NEXMIF: variants seen among roughly 807,000 people sequenced by gnomAD.
NEXMIF encodes the protein neurite extension and migration factor, also known as XLMR protein related to neurite extension.
Under a neutral mutation model 62.1 loss-of-function variants are expected in NEXMIF, and 8 were observed. That is an observed-to-expected ratio of 0.13 (90% CI 0.08 to 0.23). The LOEUF (loss-of-function observed/expected upper bound fraction) is 0.23, where lower values mean the gene tolerates loss of function less well. Among genes scored for constraint, NEXMIF ranks in the 10% least tolerant of loss-of-function variants. NEXMIF has a pLI of 1.00. For synonymous variants in NEXMIF, 404 were observed against 416.6 expected, an observed-to-expected ratio of 0.97 and a Z score of 0.37; for missense variants, 976 against 1,113.3, an observed-to-expected ratio of 0.88 and a Z score of 1.75.
chrX:74,887,329 A>G (rs1325337065), intron 1 of NEXMIF, among the ~76,000 whole-genome samples: 1 of 111,298 alleles, frequency 9.0e-6, no homozygotes, highest in African/African-American at 3.3e-5. Flanking sequence ...GAGCTTCTGC[A>G]CAGCAAAAGA....
At chrX:74,826,807 T>G (rs919155133) in intron 1 of NEXMIF, among the ~76,000 whole-genome samples, 8 of 111,777 alleles carry the variant, frequency 7.2e-5, no homozygotes, top group African/African-American at 2.3e-4. Flanking sequence ...TGTTTTAAAC[T>G]AAAGGATATT....
intron 1 of NEXMIF, among the ~76,000 whole-genome samples, chrX:74,827,220 T>G (rs370071727): frequency 3.6e-5 from 4 of 112,454 alleles, no homozygotes; most frequent in African/African-American, 1.3e-4. Flanking sequence ...CTAGTTCTTG[T>G]GAAGGGTCAG....
At chrX:74,844,801 C>A (rs1239852317) in intron 1 of NEXMIF, among the ~76,000 whole-genome samples, 1 of 112,537 alleles carries the variant, frequency 8.9e-6, no homozygotes, top group Admixed American at 9.4e-5. Context: ...ATTCAACAAG[C>A]ATTTTCAGAG....
intron 1 of NEXMIF, among the ~76,000 whole-genome samples, chrX:74,842,089 T>C (rs1291182397): frequency 8.9e-6 from 1 of 111,752 alleles, no homozygotes; most frequent in Non-Finnish European, 1.9e-5. Flanking sequence ...TTGAATTCTA[T>C]TGTGAATCTA....
At chrX:74,888,515 G>T (rs1306417919) in intron 1 of NEXMIF, among the ~76,000 whole-genome samples, 1 of 109,474 alleles carries the variant, frequency 9.1e-6, no homozygotes, top group East Asian at 2.9e-4. Flanking sequence ...ACACAGGGAG[G>T]GGAACATCAC....
rs1315310568 is a variant in NEXMIF, at chrX:74,740,483, C to T, written c.4074G>A (p.Glu1358=). 3 of 1,211,460 alleles carry T rather than the reference C, an allele frequency of 2.5e-6. No homozygotes were observed. Among genetic ancestry groups the T allele is most frequent in the African/African-American group, 3.5e-5 (2 of 57,726 alleles). The change falls in exon 3 of 4, where the codon GAG becomes GAA. Residue 1358 remains glutamate, a synonymous_variant. Coordinates refer to ENST00000055682, the MANE Select transcript of NEXMIF (RefSeq NM_001008537.3). ...HGDPNIFYSP[E]SNSLKLKTLK... is the part of the protein sequence containing the mutation. The stretch of plus-strand genomic sequence containing the variant: ...GGGTTTTTAATTTTAGACTATTGGA[C>T]TCAGGGGAGTAGAATATGTTGGGAT...
chrX:74,796,800 T>C (rs1325006972), intron 1 of NEXMIF, among the ~76,000 whole-genome samples: 2 of 111,594 alleles, frequency 1.8e-5, no homozygotes, highest in Admixed American at 1.9e-4. Context: ...AAAAGACATA[T>C]CGTCCTAACA....
chrX:74,763,368 A>G (rs1460310021), intron 1 of NEXMIF, among the ~76,000 whole-genome samples: 1 of 111,783 alleles, frequency 8.9e-6, no homozygotes, highest in African/African-American at 3.3e-5. Context: ...TGGTTACTAT[A>G]GCCTTGTAGT....
At chrX:74,899,046 C>A (rs1311331924) in intron 1 of NEXMIF, among the ~76,000 whole-genome samples, 1 of 111,104 alleles carries the variant, frequency 9.0e-6, no homozygotes, top group Non-Finnish European at 1.9e-5. Flanking sequence ...ATGTAAATAC[C>A]ACCAGAGAGA....
chrX:74,859,753 C>A (rs888724956), intron 1 of NEXMIF, among the ~76,000 whole-genome samples: 1 of 110,923 alleles, frequency 9.0e-6, no homozygotes, highest in Non-Finnish European at 1.9e-5. Flanking sequence ...AGTTAAAAAG[C>A]GGGAGGATGA....
chrX:74,913,638 A>AG (rs1292415572), intron 1 of NEXMIF, among the ~76,000 whole-genome samples: 2 of 111,268 alleles, frequency 1.8e-5, no homozygotes, highest in Non-Finnish European at 3.8e-5. Flanking sequence ...GAAAAAAAAA[A>AG]AAACCTTAAA....
At chrX:74,875,295 T>C (rs1411902825) in intron 1 of NEXMIF, among the ~76,000 whole-genome samples, 1 of 111,772 alleles carries the variant, frequency 8.9e-6, no homozygotes, top group Non-Finnish European at 1.9e-5. Flanking sequence ...CTGGATTACA[T>C]TTATTGATTT....
intron 1 of NEXMIF, among the ~76,000 whole-genome samples, chrX:74,860,545 T>C (rs1020999159): frequency 6.2e-5 from 7 of 112,041 alleles, no homozygotes; most frequent in Non-Finnish European, 1.3e-4. Flanking sequence ...ATTGAAATTA[T>C]ATCAAGCATC....
intron 1 of NEXMIF, among the ~76,000 whole-genome samples, chrX:74,883,879 T>C (rs2080677547): frequency 1.8e-5 from 2 of 111,709 alleles, no homozygotes; most frequent in Admixed American, 9.5e-5. Flanking sequence ...GGAAAAAATG[T>C]TAAGGGCAGC....
At chrX:74,871,819 G>T (rs903417299) in intron 1 of NEXMIF, among the ~76,000 whole-genome samples, 3 of 110,899 alleles carry the variant, frequency 2.7e-5, no homozygotes, top group African/African-American at 9.8e-5. Flanking sequence ...GTTTTTTCAG[G>T]GTGCACTGGT....
chrX:74,797,924 G>C (rs2080317242), intron 1 of NEXMIF, among the ~76,000 whole-genome samples: 1 of 112,375 alleles, frequency 8.9e-6, no homozygotes, highest in African/African-American at 3.2e-5. Flanking sequence ...CTTTTCCTGG[G>C]AAGTATTCAG....
intron 1 of NEXMIF, among the ~76,000 whole-genome samples, chrX:74,824,328 A>G (rs2080407484): frequency 9.0e-6 from 1 of 111,589 alleles, no homozygotes; most frequent in Non-Finnish European, 1.9e-5. Context: ...TGATTCCATG[A>G]GTTTGATTGT....
intron 1 of NEXMIF, among the ~76,000 whole-genome samples, chrX:74,803,137 T>C (rs1281789539): frequency 1.8e-5 from 2 of 111,471 alleles, no homozygotes; most frequent in Non-Finnish European, 3.8e-5. Context: ...GAGATAAAGG[T>C]AGAAAGCTTA....
At chrX:74,792,628 C>T (rs1182599645) in intron 1 of NEXMIF, among the ~76,000 whole-genome samples, 1 of 71,753 alleles carries the variant, frequency 1.4e-5, no homozygotes. Context: ...TTGTAGGTCA[C>T]TCAGGACTTG....
Sources: allele counts gnomAD v4.1 joint callset (sites outside exome capture counted in the v4.1 genomes callset), GRCh38; gene constraint gnomAD v4.1.1; transcripts MANE v1.5; gene names NCBI Gene and HGNC (gene_info 2026-07-23, HGNC 2026-07-21).